DLG1: variants seen among roughly 807,000 people sequenced by gnomAD.
The protein encoded by DLG1 is disks large homolog 1.
In DLG1, 42 loss-of-function variants were observed where a neutral mutation model predicts 123.4. The observed-to-expected ratio is 0.34, with a 90% CI of 0.27 to 0.44. The LOEUF (loss-of-function observed/expected upper bound fraction) is 0.44, where lower values mean the gene tolerates loss of function less well. DLG1 is among the 20% of genes least tolerant of loss of function. The probability of loss-of-function intolerance (pLI) is 1.00; values close to 1 mark genes in which losing one functional copy is unlikely to be tolerated. For missense variants in DLG1, 942 were observed against 1,082.6 expected, an observed-to-expected ratio of 0.87 and a Z score of 1.82; for synonymous variants, 317 against 356.2, an observed-to-expected ratio of 0.89 and a Z score of 1.24.
rs555186957 is a variant in DLG1, at chr3:197,079,367, G to A, written c.1905+1684C>T. 5.3e-5 allele frequency among the ~76,000 whole-genome samples: 8 copies of A among 152,240 alleles called. No homozygotes were observed. In the South Asian group the frequency reaches 1.7e-3, roughly 32 times the overall value. Reference sequence around the variant, plus strand: ...AATAAAGTCCATAATCACTATGTAAGGAAAGGAGGAGAAGTAGGAAATGGT... The same window carrying A: ...AATAAAGTCCATAATCACTATGTAAAGAAAGGAGGAGAAGTAGGAAATGGT... On this transcript the variant is annotated intron_variant, in intron 17 of 24. Transcript: ENST00000667157.
At chr3:197,171,954 C>G (rs1804418974) in intron 5 of DLG1, among the ~76,000 whole-genome samples, 1 of 152,058 alleles carries the variant, frequency 6.6e-6, no homozygotes, top group South Asian at 2.1e-4. Context: ...TATTATTCAC[C>G]CTCTACAAGT....
chr3:197,162,850 T>C (rs1038966233), intron 5 of DLG1, among the ~76,000 whole-genome samples: 5 of 152,144 alleles, frequency 3.3e-5, no homozygotes, highest in African/African-American at 1.2e-4. Flanking sequence ...AAAAAATCAA[T>C]TAGACTCTAA....
At position 197,137,193 on chromosome 3, in the gene DLG1, CT is replaced by C. The variant is rs146659010; in HGVS notation, c.884-516del. Among the ~76,000 whole-genome samples the C allele has an allele frequency of 9.7e-3, 1,472 of 152,252 alleles. 17 individuals are homozygous for C. Among genetic ancestry groups the C allele is most frequent in the African/African-American group, 0.023 (956 of 41,528 alleles). ...TTCAATATCAGATAATTTCTCAGCT[CT>C]CCATTCCTTTTTCATTTGTTGACAT... On this transcript the variant is annotated intron_variant, in intron 9 of 24. Transcript: ENST00000667157.
intron 5 of DLG1, chr3:197,183,491 A>G (rs1713785031): frequency 8.0e-7 from 1 of 1,256,210 alleles, no homozygotes; most frequent in African/African-American, 1.5e-5. Context: ...TATTCTTTAA[A>G]TAAAAAATCT....
intron 5 of DLG1, among the ~76,000 whole-genome samples, chr3:197,189,551 G>A (rs1269181774): frequency 6.6e-6 from 1 of 152,052 alleles, no homozygotes; most frequent in East Asian, 1.9e-4. Context: ...GAGGGAAAGG[G>A]GACTAGTGAG....
rs1349208628 is a variant in DLG1, at chr3:197,125,368, T to C, written c.1165+5159A>G. On this transcript the variant is annotated intron_variant, in intron 11 of 24. Transcript: ENST00000667157. ...TGCTTTTTAGGAACCATAAATGAAA[T>C]AGCAGAGTTTGCCTGCACCAGTGTT... Among the ~76,000 whole-genome samples, 5 of 152,070 alleles carry C rather than the reference T, an allele frequency of 3.3e-5. No individual in the cohort carries two copies. The East Asian group carries it at 7.7e-4, about 23-fold the overall frequency.
intron 5 of DLG1, among the ~76,000 whole-genome samples, chr3:197,184,601 T>C (rs1266777722): frequency 1.3e-5 from 2 of 152,222 alleles, no homozygotes; most frequent in Non-Finnish European, 2.9e-5. Flanking sequence ...CAAGGTAGAT[T>C]AATTACTAAA....
intron 16 of DLG1, among the ~76,000 whole-genome samples, chr3:197,082,371 C>T (rs930597393): frequency 6.6e-6 from 1 of 151,524 alleles, no homozygotes; most frequent in Admixed American, 6.6e-5. Flanking sequence ...CTCCGTCCCC[C>T]ACCCCAAACA....
intron 5 of DLG1, among the ~76,000 whole-genome samples, chr3:197,190,665 A>G (rs1718821045): frequency 6.6e-6 from 1 of 152,168 alleles, no homozygotes; most frequent in Non-Finnish European, 1.5e-5. Flanking sequence ...ACATCCCAAG[A>G]TTGATCACCT....
intron 4 of DLG1, among the ~76,000 whole-genome samples, chr3:197,204,178 C>A (rs1160641477): frequency 6.6e-6 from 1 of 152,216 alleles, no homozygotes; most frequent in Non-Finnish European, 1.5e-5. Context: ...CCACATTACA[C>A]TGACTTCATT....
At chr3:197,268,488 C>G (rs575721224) in intron 4 of DLG1, among the ~76,000 whole-genome samples, 2 of 152,102 alleles carry the variant, frequency 1.3e-5, no homozygotes, top group African/African-American at 4.8e-5. Flanking sequence ...GGACTGATCA[C>G]AGCTCACTGC....
chr3:197,101,681 G>T (rs967872683), intron 14 of DLG1, among the ~76,000 whole-genome samples: 1 of 152,144 alleles, frequency 6.6e-6, no homozygotes. Context: ...GAGCCACCGC[G>T]CCTGGCCAAG....
At chr3:197,276,461 T>C (rs541907104) in intron 4 of DLG1, among the ~76,000 whole-genome samples, 4 of 152,348 alleles carry the variant, frequency 2.6e-5, no homozygotes, top group African/African-American at 7.2e-5. Flanking sequence ...TCAAATTTGT[T>C]AAAAATATCC....
intron 4 of DLG1, among the ~76,000 whole-genome samples, chr3:197,254,714 A>G (rs1231205916): frequency 2.0e-5 from 3 of 152,200 alleles, no homozygotes; most frequent in Non-Finnish European, 1.5e-5. Flanking sequence ...GCAAACAGAC[A>G]TTCTAAAAGT....
chr3:197,296,859 C>T, intron 2 of DLG1: 2 of 350,020 alleles, frequency 5.7e-6, no homozygotes, highest in Non-Finnish European at 1.0e-5. Context: ...AATACAAATT[C>T]TTAGTATCCC....
intron 10 of DLG1, among the ~76,000 whole-genome samples, chr3:197,132,292 ATTT>A (rs34795928): frequency 1.4e-5 from 2 of 146,556 alleles, no homozygotes; most frequent in African/African-American, 5.0e-5. Flanking sequence ...TCTTTGATAC[ATTT>A]TTTTTTTTTG....
chr3:197,149,692 C>T (rs1198909230), intron 6 of DLG1, 51 bp downstream of exon 6: 8 of 1,168,846 alleles, frequency 6.8e-6, no homozygotes, highest in South Asian at 2.5e-5. Context: ...TATCAAAAAA[C>T]GGAACAGGAA....
At chr3:197,231,100 A>G (rs540573814) in intron 4 of DLG1, among the ~76,000 whole-genome samples, 171 of 152,358 alleles carry the variant, frequency 1.1e-3, no homozygotes, top group African/African-American at 3.2e-3. Context: ...AGCGCCTAAC[A>G]GTTCTTAACA....
intron 4 of DLG1, among the ~76,000 whole-genome samples, chr3:197,205,322 T>TA (rs374660344): frequency 4.6e-5 from 7 of 151,300 alleles, no homozygotes; most frequent in East Asian, 1.9e-4. Flanking sequence ...GACAACATTC[T>TA]AAAAAAAAAT....
Sources: allele counts gnomAD v4.1 joint callset (sites outside exome capture counted in the v4.1 genomes callset), GRCh38; gene constraint gnomAD v4.1.1; transcripts MANE v1.5; gene names NCBI Gene and HGNC (gene_info 2026-07-23, HGNC 2026-07-21).